Variants in VWA8 observed in about 807,000 individuals in gnomAD.
VWA8 encodes von Willebrand factor A domain containing 8.
A neutral mutation model predicts 241.5 loss-of-function variants in VWA8; 221 were observed. The ratio of observed to expected loss-of-function variants is 0.91; its 90% CI spans 0.82 to 1.02. The LOEUF is 1.02. VWA8 is among the 50% of genes least tolerant of loss of function. VWA8 has a pLI of 0.00. For missense variants in VWA8, 2,322 were observed against 2,328.7 expected (o/e 1.00, Z 0.06); for synonymous variants, 852 against 827.1 (o/e 1.03, Z -0.52).
rs184809625 is a variant in VWA8, at chr13:41,580,195, C to T, written c.5272-4357G>A. On this transcript the variant is annotated intron_variant, in intron 42 of 44. Coordinates refer to ENST00000379310, the MANE Select transcript of VWA8 (RefSeq NM_015058.2). ...AGAGAAATAACTACTTCCCCAGCTACGCTCCCCTCCCATCTCTACTTGTTT... is the reference window on the plus strand; with the variant it reads ...AGAGAAATAACTACTTCCCCAGCTATGCTCCCCTCCCATCTCTACTTGTTT... Among the ~76,000 whole-genome samples, 155 of 152,222 alleles carry T rather than the reference C, an allele frequency of 1.0e-3. 1 individual carries two copies. The highest frequency in any genetic ancestry group is 3.4e-3 in the African/African-American group (142 of 41,522).
At chr13:41,907,503 G>T in intron 4 of VWA8, 83 bp downstream of exon 4, 1 of 1,188,922 alleles carries the variant, frequency 8.4e-7, no homozygotes, top group Non-Finnish European at 1.3e-6. Flanking sequence ...ACTGTTATAT[G>T]AGCTACTCTC....
intron 16 of VWA8, among the ~76,000 whole-genome samples, chr13:41,816,131 A>C (rs1870679696): frequency 6.6e-6 from 1 of 152,246 alleles, no homozygotes; most frequent in African/African-American, 2.4e-5. Flanking sequence ...AGTGAAAGAA[A>C]TTAACATTTA....
intron 16 of VWA8, among the ~76,000 whole-genome samples, chr13:41,814,286 T>C (rs1401603133): frequency 6.6e-6 from 1 of 152,118 alleles, no homozygotes; most frequent in African/African-American, 2.4e-5. Context: ...CAACAATATA[T>C]AATACAACTT....
At chr13:41,858,621 AAGAG>A (rs1001197243) in intron 12 of VWA8, among the ~76,000 whole-genome samples, 4 of 152,032 alleles carry the variant, frequency 2.6e-5, no homozygotes, top group African/African-American at 4.8e-5. Flanking sequence ...CAAAAAAAAA[AAGAG>A]AGAGAGAAAC....
At chr13:41,638,698 T>C (rs1433358041) in intron 37 of VWA8, among the ~76,000 whole-genome samples, 3 of 151,848 alleles carry the variant, frequency 2.0e-5, no homozygotes, top group Non-Finnish European at 4.4e-5. Flanking sequence ...GAATAAGAGG[T>C]GAGTGAATGG....
At chr13:41,925,261 A>T (rs759623136) in intron 2 of VWA8, among the ~76,000 whole-genome samples, 11 of 152,248 alleles carry the variant, frequency 7.2e-5, no homozygotes, top group Non-Finnish European at 1.6e-4. Context: ...GAAATGCTTC[A>T]GGGAGTTCTT....
intron 20 of VWA8, among the ~76,000 whole-genome samples, chr13:41,774,485 T>C (rs1215099807): frequency 6.6e-6 from 1 of 152,202 alleles, no homozygotes; most frequent in Admixed American, 6.5e-5. Flanking sequence ...ACTAATTAAC[T>C]CAGCAAGTAT....
At chr13:41,813,719 G>GA (rs1333677331) in intron 16 of VWA8, among the ~76,000 whole-genome samples, 3 of 152,170 alleles carry the variant, frequency 2.0e-5, no homozygotes, top group Middle Eastern at 3.2e-3. Context: ...CCAGGGTTGA[G>GA]AAAATGAGAG....
chr13:41,715,077 T>C (rs915128565), intron 26 of VWA8, among the ~76,000 whole-genome samples: 2 of 151,936 alleles, frequency 1.3e-5, no homozygotes, highest in East Asian at 1.9e-4. Context: ...ACATAACTTC[T>C]CTGTGCCTCA....
chr13:41,691,906 G>A lies in VWA8; in HGVS notation c.3708C>T (p.His1236=). The A allele has an allele frequency of 1.2e-6, 2 of 1,610,400 alleles. No homozygotes were observed. The highest frequency in any genetic ancestry group is 1.1e-5 in the South Asian group (1 of 90,866). ...CTTTGTAGAACACCAGCCAGTTTTT[G>A]TGTGAAAATTCTTTACACATTTTAT... ...ETYKMCKEFS[H]KNWLVFYKEK... Residue 1236 remains histidine (H), a synonymous_variant, in exon 31 of 45, where the codon CAC becomes CAT. Transcript: ENST00000379310.
intron 37 of VWA8, among the ~76,000 whole-genome samples, chr13:41,667,395 TG>T (rs1439368109): frequency 6.6e-6 from 1 of 152,196 alleles, no homozygotes; most frequent in Non-Finnish European, 1.5e-5. Context: ...AAATGCTGGT[TG>T]TGTGCTTATT....
intron 39 of VWA8, among the ~76,000 whole-genome samples, chr13:41,611,144 C>T (rs2044585171): frequency 6.6e-6 from 1 of 152,194 alleles, no homozygotes; most frequent in African/African-American, 2.4e-5. Context: ...CTCACATCAG[C>T]CCACTAAACT....
chr13:41,947,953 AC>A (rs143996547), intron 2 of VWA8, among the ~76,000 whole-genome samples: 37,669 of 100,246 alleles, frequency 0.38, 14,176 homozygotes, highest in Non-Finnish European at 0.48. Flanking sequence ...AAAAAAAAAA[AC>A]AAAACAAAAC....
intron 2 of VWA8, among the ~76,000 whole-genome samples, chr13:41,921,886 T>G (rs976432777): frequency 1.3e-5 from 2 of 152,156 alleles, no homozygotes; most frequent in African/African-American, 4.8e-5. Context: ...CTCAATGTCA[T>G]CTCCATCAAG....
chr13:41,898,934 G>A (rs1312650541), intron 4 of VWA8, among the ~76,000 whole-genome samples: 2 of 152,162 alleles, frequency 1.3e-5, no homozygotes, highest in Non-Finnish European at 2.9e-5. Context: ...AGCGCCGCGC[G>A]CAGCCCCGAT....
At chr13:41,922,015 C>T (rs1876563921) in intron 2 of VWA8, among the ~76,000 whole-genome samples, 1 of 152,190 alleles carries the variant, frequency 6.6e-6, no homozygotes, top group South Asian at 2.1e-4. Context: ...GGAGGCATCA[C>T]ACTACCTGAC....
chr13:41,788,726 C>T (rs74668345), intron 17 of VWA8, among the ~76,000 whole-genome samples: 1,674 of 152,256 alleles, frequency 0.011, 33 homozygotes, highest in African/African-American at 0.039. Context: ...CTTCCTCTTA[C>T]CACTATCCCA....
At chr13:41,798,627 T>A (rs2137957667) in intron 17 of VWA8, among the ~76,000 whole-genome samples, 1 of 152,326 alleles carries the variant, frequency 6.6e-6, no homozygotes, top group Non-Finnish European at 1.5e-5. Context: ...TTTTTATTTG[T>A]CCTACTTGGG....
At chr13:41,941,775 T>A (rs529010666) in intron 2 of VWA8, among the ~76,000 whole-genome samples, 4 of 152,304 alleles carry the variant, frequency 2.6e-5, no homozygotes, top group African/African-American at 7.2e-5. Context: ...TGCTATTTGA[T>A]TTAATCATTA....
Sources: allele counts gnomAD v4.1 joint callset (sites outside exome capture counted in the v4.1 genomes callset), GRCh38; gene constraint gnomAD v4.1.1; transcripts MANE v1.5; gene names NCBI Gene and HGNC (gene_info 2026-07-23, HGNC 2026-07-21).